The following NKAIN2 variants were observed in gnomAD, a reference collection of about 807,000 sequenced individuals.
The protein encoded by NKAIN2 is sodium/potassium-transporting ATPase subunit beta-1-interacting protein 2.
In NKAIN2, 14 loss-of-function variants were observed where a neutral mutation model predicts 32.6. That is an observed-to-expected ratio of 0.43 (90% CI 0.28 to 0.67). NKAIN2 has a LOEUF of 0.67. Among genes scored for constraint, NKAIN2 ranks in the 30% least tolerant of loss-of-function variants. The pLI, the probability that NKAIN2 is intolerant of heterozygous loss-of-function variation, is 0.17. For synonymous variants in NKAIN2, 80 were observed against 87.2 expected (o/e 0.92, Z 0.46); for missense variants, 198 against 258.3 (o/e 0.77, Z 1.60).
At chr6:124,726,119 C>T (rs1371430433) in intron 4 of NKAIN2, among the ~76,000 whole-genome samples, 9 of 152,166 alleles carry the variant, frequency 5.9e-5, no homozygotes, top group Non-Finnish European at 1.0e-4. Flanking sequence ...AAGGCGGCAG[C>T]GAGCCTGGGG....
At position 124,614,689 on chromosome 6, in the gene NKAIN2, A is replaced by ACCC. The variant is rs549664321; in HGVS notation, c.274-43492_274-43490dup. 7.3e-3 allele frequency among the ~76,000 whole-genome samples: 1,104 copies of ACCC among 150,828 alleles called. 16 individuals are homozygous for ACCC. The highest frequency in any genetic ancestry group is 0.022 in the African/African-American group (919 of 40,922). Reference sequence around the variant, plus strand: ...TTTAATGAAGATGTTGGTCCCAAAGACCCCCCCAATTTCTTCTCTGGCCCC... The same window carrying ACCC: ...TTTAATGAAGATGTTGGTCCCAAAGACCCCCCCCCCAATTTCTTCTCTGGCCCC... On this transcript the variant is annotated intron_variant, in intron 3 of 6. Coordinates refer to ENST00000368417, the MANE Select transcript of NKAIN2 (RefSeq NM_001040214.3).
At chr6:124,277,937 T>A (rs908390449) in intron 1 of NKAIN2, among the ~76,000 whole-genome samples, 1 of 152,126 alleles carries the variant, frequency 6.6e-6, no homozygotes, top group African/African-American at 2.4e-5. Flanking sequence ...TCTCTCAAAA[T>A]CTACATATAA....
chr6:124,369,881 T>TTTTTTTTTTTA (rs1799677790), intron 3 of NKAIN2, among the ~76,000 whole-genome samples: 1 of 16,294 alleles, frequency 6.1e-5, no homozygotes, highest in South Asian at 2.2e-3. Flanking sequence ...AGAATGTCAA[T>TTTTTTTTTTTA]TTTTTTTTTT....
intron 4 of NKAIN2, among the ~76,000 whole-genome samples, chr6:124,701,926 T>C (rs533302288): frequency 6.6e-6 from 1 of 152,066 alleles, no homozygotes; most frequent in Non-Finnish European, 1.5e-5. Flanking sequence ...TGTCCCTCCA[T>C]CCCAGGTTGG....
chr6:124,753,195 G>A (rs1435951530), intron 4 of NKAIN2, among the ~76,000 whole-genome samples: 1 of 152,058 alleles, frequency 6.6e-6, no homozygotes, highest in Non-Finnish European at 1.5e-5. Context: ...ACCAAAATGG[G>A]CTTTAAAATG....
intron 3 of NKAIN2, among the ~76,000 whole-genome samples, chr6:124,397,745 C>A (rs1469837073): frequency 6.6e-6 from 1 of 152,098 alleles, no homozygotes; most frequent in South Asian, 2.1e-4. Context: ...GTGTTATTAT[C>A]TCCGTTTCAA....
At chr6:124,748,420 C>T (rs1583786427) in intron 4 of NKAIN2, among the ~76,000 whole-genome samples, 1 of 151,962 alleles carries the variant, frequency 6.6e-6, no homozygotes, top group South Asian at 2.1e-4. Flanking sequence ...ATCAGGAAAG[C>T]TCCCATGCTC....
intron 4 of NKAIN2, among the ~76,000 whole-genome samples, chr6:124,665,087 C>T (rs1198615201): frequency 1.3e-5 from 2 of 151,960 alleles, no homozygotes; most frequent in Non-Finnish European, 2.9e-5. Flanking sequence ...GTCCATACTA[C>T]CCAAAGAAAT....
intron 1 of NKAIN2, among the ~76,000 whole-genome samples, chr6:124,276,669 TTTGTGATA>T (rs1233075334): frequency 6.6e-6 from 1 of 152,174 alleles, no homozygotes; most frequent in Non-Finnish European, 1.5e-5. Flanking sequence ...AGAGTTTTGC[TTTGTGATA>T]TTGTGATATT....
At chr6:124,037,881 G>A (rs1781676762) in intron 1 of NKAIN2, among the ~76,000 whole-genome samples, 1 of 152,136 alleles carries the variant, frequency 6.6e-6, no homozygotes, top group Non-Finnish European at 1.5e-5. Context: ...ATAAGAAATG[G>A]AAGTACCAGG....
At chr6:123,870,958 C>T (rs538422216) in intron 1 of NKAIN2, among the ~76,000 whole-genome samples, 1 of 151,954 alleles carries the variant, frequency 6.6e-6, no homozygotes, top group African/African-American at 2.4e-5. Context: ...TCAGAAGCAC[C>T]TCTTCAACTC....
At chr6:123,867,676 A>T (rs1457884996) in intron 1 of NKAIN2, among the ~76,000 whole-genome samples, 1 of 152,166 alleles carries the variant, frequency 6.6e-6, no homozygotes, top group East Asian at 1.9e-4. Context: ...CATTTCCCTC[A>T]TGCAAGAATG....
intron 1 of NKAIN2, among the ~76,000 whole-genome samples, chr6:123,883,301 C>A (rs1345672815): frequency 3.3e-5 from 5 of 151,958 alleles, no homozygotes; most frequent in African/African-American, 7.3e-5. Flanking sequence ...CCCGCCACCA[C>A]CCCTGGCTAA....
chr6:124,702,712 C>T (rs1479601723), intron 4 of NKAIN2, among the ~76,000 whole-genome samples: 1 of 152,026 alleles, frequency 6.6e-6, no homozygotes, highest in Non-Finnish European at 1.5e-5. Context: ...CTGAGAGCCA[C>T]AGAATGTAAA....
chr6:124,190,431 G>A (rs1181615900), intron 1 of NKAIN2, among the ~76,000 whole-genome samples: 1 of 152,162 alleles, frequency 6.6e-6, no homozygotes, highest in Non-Finnish European at 1.5e-5. Flanking sequence ...CAGTCTTCTG[G>A]AGACTTATTA....
chr6:124,114,532 A>AGCTT (rs1183498728), intron 1 of NKAIN2, among the ~76,000 whole-genome samples: 3 of 152,128 alleles, frequency 2.0e-5, no homozygotes, highest in African/African-American at 7.2e-5. Context: ...TTTGAAAATC[A>AGCTT]TCAGCATATA....
At chr6:124,753,574 A>G (rs1349514452) in intron 4 of NKAIN2, among the ~76,000 whole-genome samples, 2 of 152,110 alleles carry the variant, frequency 1.3e-5, no homozygotes, top group South Asian at 4.1e-4. Context: ...ATGAGGATTT[A>G]TATCAAGAGT....
intron 2 of NKAIN2, among the ~76,000 whole-genome samples, chr6:124,344,772 C>G (rs1192525732): frequency 2.0e-5 from 3 of 152,200 alleles, no homozygotes; most frequent in Non-Finnish European, 2.9e-5. Context: ...ATGATGTCAT[C>G]TGCAAACAGG....
intron 1 of NKAIN2, among the ~76,000 whole-genome samples, chr6:123,998,292 C>A (rs1485449060): frequency 1.3e-5 from 2 of 152,038 alleles, no homozygotes; most frequent in Non-Finnish European, 2.9e-5. Context: ...AATGATATAT[C>A]CTCCATTCAA....
Sources: allele counts gnomAD v4.1 joint callset (sites outside exome capture counted in the v4.1 genomes callset), GRCh38; gene constraint gnomAD v4.1.1; transcripts MANE v1.5; gene names NCBI Gene and HGNC (gene_info 2026-07-23, HGNC 2026-07-21).